UTS2B: variants seen among roughly 807,000 people sequenced by gnomAD.
The protein encoded by UTS2B is urotensin 2B.
In UTS2B, 21 loss-of-function variants were observed where a neutral mutation model predicts 19.2. The ratio of observed to expected loss-of-function variants is 1.09; its 90% CI spans 0.78 to 1.58. The LOEUF is 1.58. Ranked by LOEUF, UTS2B falls within the 40% of genes most tolerant of loss-of-function variation. The probability of loss-of-function intolerance (pLI) is 0.00; values close to 1 mark genes in which losing one functional copy is unlikely to be tolerated. For missense variants in UTS2B, 138 were observed against 130.3 expected, an observed-to-expected ratio of 1.06 and a Z score of -0.29; for synonymous variants, 57 against 50.2, an observed-to-expected ratio of 1.14 and a Z score of -0.58.
In UTS2B at chr3:191,268,334, AG is replaced by A. The variant is rs1229381172; in HGVS notation, c.*81del. 2.0e-6 allele frequency: 2 copies of A among 1,021,890 alleles called. No individual in the cohort carries two copies. The highest frequency in any genetic ancestry group is 1.4e-6 in the Non-Finnish European group (1 of 698,062). 63.3% of individuals were successfully genotyped at this position (1,021,890 alleles called of 1,614,324 possible). On this transcript the variant is annotated 3_prime_UTR_variant, in exon 9 of 9. Coordinates refer to ENST00000340524, the MANE Select transcript of UTS2B (RefSeq NM_198152.5). ...TCTTTTATTCCACAGCAATAGTTTCAGGGGGTCTGCCTACAGCAGAGTGAGT... is the reference window on the plus strand; with the variant it reads ...TCTTTTATTCCACAGCAATAGTTTCAGGGGTCTGCCTACAGCAGAGTGAGT...
At chr3:191,296,896 G>A (rs1716870971) in intron 4 of UTS2B, among the ~76,000 whole-genome samples, 1 of 152,208 alleles carries the variant, frequency 6.6e-6, no homozygotes, top group Admixed American at 6.5e-5. Flanking sequence ...CATTGAGCAA[G>A]TGAGGTAGAG....
chr3:191,277,249 G>A (rs1248769373), intron 6 of UTS2B, among the ~76,000 whole-genome samples: 2 of 151,832 alleles, frequency 1.3e-5, no homozygotes, highest in Admixed American at 1.3e-4. Context: ...AAAATACTAA[G>A]GCTAACTTGC....
intron 4 of UTS2B, among the ~76,000 whole-genome samples, chr3:191,286,013 A>C (rs1335227394): frequency 1.3e-5 from 2 of 152,204 alleles, no homozygotes; most frequent in African/African-American, 4.8e-5. Flanking sequence ...TTCAAGACAA[A>C]AACTGTAAAA....
At chr3:191,343,377 C>T in the UTS2B span, among the ~76,000 whole-genome samples, 1 of 152,190 alleles carries the variant, frequency 6.6e-6, no homozygotes, top group Non-Finnish European at 1.5e-5. Flanking sequence ...AATAAATATT[C>T]ACTGAATATC....
intron 3 of UTS2B, among the ~76,000 whole-genome samples, chr3:191,307,363 C>G (rs990011232): frequency 4.6e-5 from 7 of 151,494 alleles, no homozygotes; most frequent in African/African-American, 1.7e-4. Context: ...AGCTTGAGAC[C>G]TTTAGAAAAA....
rs547211646 is a variant in UTS2B, at chr3:191,310,779, A to G, written c.-182+5257T>C. Among the ~76,000 whole-genome samples the G allele has an allele frequency of 9.5e-5, 13 of 136,640 alleles. No individual in the cohort carries two copies. In the East Asian group the frequency reaches 2.6e-3, roughly 28 times the overall value. 89.6% of individuals were successfully genotyped at this position (136,640 alleles called of 152,430 possible). A position where few individuals can be genotyped will look rare whatever the true frequency, so the allele number is the denominator to read the frequency against. On this transcript the variant is annotated intron_variant, in intron 3 of 8. Transcript: ENST00000340524. ...TTATAGTAGCTTACTGCTATCTACTATGATCCAACTCTTTTTTACAGAGAT... is the reference window on the plus strand; with the variant it reads ...TTATAGTAGCTTACTGCTATCTACTGTGATCCAACTCTTTTTTACAGAGAT...
At chr3:191,307,833 TTC>T in intron 3 of UTS2B, among the ~76,000 whole-genome samples, 2 of 141,890 alleles carry the variant, frequency 1.4e-5, no homozygotes, top group Admixed American at 7.2e-5. Context: ...TTTCGTTTTC[TTC>T]TCTTTTTTTT....
At chr3:191,327,173 A>T (rs1717764809) in intron 2 of UTS2B, among the ~76,000 whole-genome samples, 1 of 152,206 alleles carries the variant, frequency 6.6e-6, no homozygotes, top group Non-Finnish European at 1.5e-5. Context: ...TAATGAAGAG[A>T]CAATTTCAGA....
intron 7 of UTS2B, among the ~76,000 whole-genome samples, chr3:191,275,856 T>A (rs1716223535): frequency 6.6e-6 from 1 of 151,928 alleles, no homozygotes; most frequent in South Asian, 2.1e-4. Context: ...ACAGGGAGCA[T>A]GCATTCAGGG....
chr3:191,277,500 C>G (rs1315150702), intron 6 of UTS2B: 1 of 152,024 alleles, frequency 6.6e-6, no homozygotes, highest in Non-Finnish European at 1.5e-5. Context: ...TGTTAAATTT[C>G]TGACAAAATC....
At chr3:191,332,404 A>C (rs1718021277), upstream of UTS2B, among the ~76,000 whole-genome samples, 1 of 152,228 alleles carries the variant, frequency 6.6e-6, no homozygotes, top group African/African-American at 2.4e-5. Context: ...AATCAAGTCA[A>C]CTAAGTGTCA....
At chr3:191,297,323 G>T (rs1716882280) in intron 4 of UTS2B, among the ~76,000 whole-genome samples, 2 of 152,190 alleles carry the variant, frequency 1.3e-5, no homozygotes, top group South Asian at 4.1e-4. Flanking sequence ...CCTGATAGCT[G>T]GTTTAGACCT....
intron 3 of UTS2B, among the ~76,000 whole-genome samples, chr3:191,307,755 G>A (rs1717179331): frequency 6.6e-6 from 1 of 152,040 alleles, no homozygotes; most frequent in Admixed American, 6.5e-5. Context: ...ATACACCATT[G>A]CAGTGGTCTC....
At chr3:191,309,262 C>T (rs564225142) in intron 3 of UTS2B, among the ~76,000 whole-genome samples, 21 of 152,138 alleles carry the variant, frequency 1.4e-4, no homozygotes, top group African/African-American at 3.9e-4. Flanking sequence ...CCCTGATTCA[C>T]GCCATTCTCC....
At chr3:191,321,180 A>G (rs548920115) in intron 2 of UTS2B, among the ~76,000 whole-genome samples, 1 of 152,306 alleles carries the variant, frequency 6.6e-6, no homozygotes, top group South Asian at 2.1e-4. Context: ...CTATGATAAG[A>G]AATGATGTAA....
chr3:191,282,453 T>C, intron 4 of UTS2B, 140 bp from the exon 5 acceptor site: 1 of 330,780 alleles, frequency 3.0e-6, no homozygotes, highest in Admixed American at 4.7e-5. Context: ...ATACATCTCA[T>C]ACCCGCCCAC....
upstream of UTS2B, among the ~76,000 whole-genome samples, chr3:191,332,369 AT>A (rs1718018532): frequency 6.6e-6 from 1 of 152,244 alleles, no homozygotes; most frequent in African/African-American, 2.4e-5. Context: ...AAGGGAAATG[AT>A]TGAGTTCATA....
At chr3:191,289,452 AAC>A (rs1716654332) in intron 4 of UTS2B, among the ~76,000 whole-genome samples, 2 of 92,620 alleles carry the variant, frequency 2.2e-5, no homozygotes, top group South Asian at 3.4e-4. Flanking sequence ...ATAAATAAAA[AAC>A]AAACGAAATT....
chr3:191,304,419 C>T (rs758337115), intron 4 of UTS2B, 73 bp downstream of exon 4: 2 of 152,126 alleles, frequency 1.3e-5, no homozygotes, highest in African/African-American at 4.8e-5. Context: ...TTCCAGTTGC[C>T]CACGTTGGTA....
Sources: allele counts gnomAD v4.1 joint callset (sites outside exome capture counted in the v4.1 genomes callset), GRCh38; gene constraint gnomAD v4.1.1; transcripts MANE v1.5; gene names NCBI Gene and HGNC (gene_info 2026-07-23, HGNC 2026-07-21).